Variants in TBC1D9 observed in about 807,000 individuals in gnomAD.
TBC1D9 encodes the protein TBC1 domain family member 9.
In TBC1D9, 63 loss-of-function variants were observed where a neutral mutation model predicts 132.0. The ratio of observed to expected loss-of-function variants is 0.48; its 90% CI spans 0.39 to 0.59. The LOEUF is 0.59. Among genes scored for constraint, TBC1D9 ranks in the 20% least tolerant of loss-of-function variants. The pLI, the probability that TBC1D9 is intolerant of heterozygous loss-of-function variation, is 0.00. For synonymous variants in TBC1D9, 610 were observed against 609.9 expected (o/e 1.00, Z 0.00); for missense variants, 1,261 against 1,592.7 (o/e 0.79, Z 3.54).
At chr4:140,704,774 T>C (rs534197360) in intron 1 of TBC1D9, among the ~76,000 whole-genome samples, 2 of 152,294 alleles carry the variant, frequency 1.3e-5, no homozygotes, top group East Asian at 1.9e-4. Flanking sequence ...ACTATTCTAA[T>C]TAACAAAGCC....
At chr4:140,631,370 CCACCAG>C (rs1736792943) in intron 16 of TBC1D9, among the ~76,000 whole-genome samples, 1 of 151,896 alleles carries the variant, frequency 6.6e-6, no homozygotes, top group African/African-American at 2.4e-5. Flanking sequence ...CTACAGGCGC[CCACCAG>C]TACGCCCGGC....
At chr4:140,643,923 G>A in intron 13 of TBC1D9, 1 of 679,136 alleles carries the variant, frequency 1.5e-6, no homozygotes, top group Non-Finnish European at 2.7e-6. Flanking sequence ...CAGCTCTGCG[G>A]GGCGCTCGTC....
At chr4:140,704,164 G>T (rs1305764393) in intron 1 of TBC1D9, among the ~76,000 whole-genome samples, 2 of 152,110 alleles carry the variant, frequency 1.3e-5, no homozygotes, top group East Asian at 3.9e-4. Flanking sequence ...TTGGGAGGCT[G>T]GGGCGGGTGG....
At chr4:140,674,425 A>G (rs1462224684) in intron 6 of TBC1D9, among the ~76,000 whole-genome samples, 1 of 152,172 alleles carries the variant, frequency 6.6e-6, no homozygotes, top group Non-Finnish European at 1.5e-5. Context: ...TTATACATAT[A>G]TTTGAGAGAA....
At chr4:140,670,661 A>G in intron 7 of TBC1D9, 59 bp downstream of exon 7, 1 of 1,443,750 alleles carries the variant, frequency 6.9e-7, no homozygotes, top group Non-Finnish European at 9.7e-7. Flanking sequence ...AAGGAACTGA[A>G]CACACTTGGG....
chr4:140,651,646 T>TA (rs1737188930), intron 13 of TBC1D9, among the ~76,000 whole-genome samples: 1 of 152,216 alleles, frequency 6.6e-6, no homozygotes, highest in Non-Finnish European at 1.5e-5. Context: ...CCTTATCTGT[T>TA]AGAGACACAT....
chr4:140,673,952 C>A (rs930392948), intron 6 of TBC1D9, among the ~76,000 whole-genome samples: 1 of 152,160 alleles, frequency 6.6e-6, no homozygotes, highest in African/African-American at 2.4e-5. Context: ...GTCTTGATAG[C>A]GGCTTCCAGA....
At chr4:140,751,292 A>G (rs1472689094) in intron 1 of TBC1D9, among the ~76,000 whole-genome samples, 1 of 152,232 alleles carries the variant, frequency 6.6e-6, no homozygotes, top group Non-Finnish European at 1.5e-5. Context: ...ACATACGGGT[A>G]CTTGATTTAT....
At chr4:140,627,372 G>T in intron 18 of TBC1D9, 69 bp downstream of exon 18, 1 of 984,612 alleles carries the variant, frequency 1.0e-6, no homozygotes, top group Non-Finnish European at 1.6e-6. Flanking sequence ...TTGGAGGCAA[G>T]TCTTTTTCCA....
intron 3 of TBC1D9, 77 bp downstream of exon 3, chr4:140,686,267 C>T (rs2111024678): frequency 2.1e-6 from 2 of 963,920 alleles, no homozygotes; most frequent in South Asian, 1.5e-5. Flanking sequence ...GTATGTTTTA[C>T]TCAATTCTTA....
At chr4:140,712,908 G>C (rs1257332682) in intron 1 of TBC1D9, among the ~76,000 whole-genome samples, 1 of 152,092 alleles carries the variant, frequency 6.6e-6, no homozygotes, top group Non-Finnish European at 1.5e-5. Flanking sequence ...AACTGGGGAG[G>C]AAGAAAGTTT....
chr4:140,732,239 A>T (rs1738605072), intron 1 of TBC1D9, among the ~76,000 whole-genome samples: 1 of 152,226 alleles, frequency 6.6e-6, no homozygotes, highest in South Asian at 2.1e-4. Context: ...TGAGACTTAG[A>T]GGTATGGGAG....
chr4:140,656,680 C>T (rs989877012), intron 13 of TBC1D9, among the ~76,000 whole-genome samples: 2 of 152,200 alleles, frequency 1.3e-5, no homozygotes, highest in Non-Finnish European at 2.9e-5. Flanking sequence ...CTTAATAAAT[C>T]TGCTTTTCTT....
intron 3 of TBC1D9, among the ~76,000 whole-genome samples, chr4:140,682,270 A>G (rs1379278351): frequency 6.6e-6 from 1 of 152,186 alleles, no homozygotes; most frequent in Non-Finnish European, 1.5e-5. Flanking sequence ...CTGGAAAAAT[A>G]TCTAACATAA....
At chr4:140,735,160 T>A (rs1482803568) in intron 1 of TBC1D9, among the ~76,000 whole-genome samples, 2 of 152,220 alleles carry the variant, frequency 1.3e-5, no homozygotes, top group Non-Finnish European at 2.9e-5. Flanking sequence ...TATATTCTGT[T>A]TGAAGGACAT....
chr4:140,640,901 T>G (rs1736977845), intron 13 of TBC1D9, among the ~76,000 whole-genome samples: 1 of 140,140 alleles, frequency 7.1e-6, no homozygotes, highest in Non-Finnish European at 1.5e-5. Flanking sequence ...TATATATATA[T>G]AGATTTATTT....
intron 1 of TBC1D9, among the ~76,000 whole-genome samples, chr4:140,708,507 T>C (rs1738180989): frequency 6.6e-6 from 1 of 152,232 alleles, no homozygotes; most frequent in Non-Finnish European, 1.5e-5. Context: ...TTCACAGATT[T>C]AATTAACCAA....
chr4:140,643,153 G>A (rs1325878812), intron 13 of TBC1D9: 3 of 1,438,678 alleles, frequency 2.1e-6, no homozygotes, highest in Non-Finnish European at 2.9e-6. Flanking sequence ...ACCTCCCTCA[G>A]CATGTGGCTG....
intron 1 of TBC1D9, among the ~76,000 whole-genome samples, chr4:140,719,948 T>C (rs888836014): frequency 1.3e-5 from 2 of 152,214 alleles, no homozygotes; most frequent in African/African-American, 4.8e-5. Context: ...CCTAGGGTCA[T>C]GACCTTGGGG....
Sources: gnomAD v4.1 joint callset for allele counts (sites outside exome capture counted in the v4.1 genomes callset) on GRCh38, gnomAD v4.1.1 for gene constraint, MANE v1.5 for transcripts, NCBI Gene and HGNC (gene_info 2026-07-23, HGNC 2026-07-21) for gene names.